SNTG1: variants seen among roughly 807,000 people sequenced by gnomAD.
The protein encoded by SNTG1 is gamma-1-syntrophin.
SNTG1 carries 39 observed loss-of-function variants against 74.7 expected under a neutral mutation model. The ratio of observed to expected loss-of-function variants is 0.52; its 90% confidence interval spans 0.40 to 0.68. The LOEUF (loss-of-function observed/expected upper bound fraction) is 0.68. Ranked by LOEUF, SNTG1 falls within the 30% of genes least tolerant of loss-of-function variation. The pLI is 0.00. For synonymous variants in SNTG1, 254 were observed against 217.1 expected (o/e 1.17, Z -1.49); for missense variants, 685 against 609.5 (o/e 1.12, Z -1.30).
rs111236496 is a variant in SNTG1 at position 49,953,188 on chromosome 8, A to G, written c.-103+40957A>G. Among the ~76,000 whole-genome samples, 138 of 152,358 alleles carry G rather than the reference A, an allele frequency of 9.1e-4. 1 individual carries two copies. The highest frequency in any genetic ancestry group is 3.2e-3 in the African/African-American group (132 of 41,592). On this transcript the variant is annotated intron_variant, in intron 1 of 18. Transcript: ENST00000642720. ...ACTCCAACATTTAGAAGAACAAAGTAAGGAGAAACCAGCAGAATAGACTGT... is the reference window on the plus strand; with the variant it reads ...ACTCCAACATTTAGAAGAACAAAGTGAGGAGAAACCAGCAGAATAGACTGT...
intron 15 of SNTG1, among the ~76,000 whole-genome samples, chr8:50,667,976 G>C (rs1430301057): frequency 6.6e-6 from 1 of 151,924 alleles, no homozygotes; most frequent in Non-Finnish European, 1.5e-5. Context: ...TACAGGCCGT[G>C]CACTTAGGTT....
chr8:50,346,877 G>C (rs943290609), intron 2 of SNTG1, among the ~76,000 whole-genome samples: 2 of 152,240 alleles, frequency 1.3e-5, no homozygotes, highest in Non-Finnish European at 1.5e-5. Context: ...GCCGAGAGAG[G>C]TATGGAAGCT....
At chr8:49,993,094 C>T (rs1212595816) in intron 1 of SNTG1, among the ~76,000 whole-genome samples, 3 of 151,926 alleles carry the variant, frequency 2.0e-5, no homozygotes, top group Admixed American at 1.3e-4. Flanking sequence ...TTAAAATTAT[C>T]ATATCTTTAA....
At chr8:50,548,658 A>G (rs1480336504) in intron 11 of SNTG1, among the ~76,000 whole-genome samples, 1 of 152,190 alleles carries the variant, frequency 6.6e-6, no homozygotes, top group Non-Finnish European at 1.5e-5. Context: ...GCGCTACACA[A>G]ACATGTTTAA....
intron 2 of SNTG1, among the ~76,000 whole-genome samples, chr8:50,290,453 G>A (rs1001226092): frequency 6.6e-6 from 1 of 152,180 alleles, no homozygotes; most frequent in African/African-American, 2.4e-5. Flanking sequence ...TCTACAGAAT[G>A]TGAGGCCTTT....
In SNTG1 at chr8:50,739,346, A is replaced by G. The variant is rs553745902; in HGVS notation, c.1285-12655A>G. Among the ~76,000 whole-genome samples the G allele has an allele frequency of 1.7e-3, 255 of 152,300 alleles. 3 individuals are homozygous for G. The highest frequency in any genetic ancestry group is 0.014 in the South Asian group (67 of 4,830). The stretch of plus-strand genomic sequence containing the variant: ...ATCACTGGTCTTTAGAAAAATGCAG[A>G]TCAAAACCACAATGAGACACCATCT... On this transcript the variant is annotated intron_variant, in intron 17 of 18. Transcript: ENST00000642720.
At chr8:50,343,150 A>C (rs755286985) in intron 2 of SNTG1, among the ~76,000 whole-genome samples, 27 of 152,168 alleles carry the variant, frequency 1.8e-4, no homozygotes, top group Non-Finnish European at 2.9e-4. Context: ...GCTCATAGGA[A>C]TTGCACCCGG....
intron 13 of SNTG1, among the ~76,000 whole-genome samples, chr8:50,656,351 G>C (rs766900264): frequency 1.1e-4 from 16 of 152,232 alleles, no homozygotes; most frequent in Non-Finnish European, 1.9e-4. Flanking sequence ...AATGCCATTT[G>C]ATATATGAAT....
chr8:50,068,683 T>TTTTC (rs200599833), intron 1 of SNTG1, among the ~76,000 whole-genome samples: 1,827 of 152,264 alleles, frequency 0.012, 15 homozygotes, highest in Middle Eastern at 0.017. Context: ...GTAGGATTCT[T>TTTTC]TTTCTTTCTT....
chr8:50,174,894 A>C (rs1332117275), intron 2 of SNTG1, among the ~76,000 whole-genome samples: 1 of 119,274 alleles, frequency 8.4e-6, no homozygotes, highest in Non-Finnish European at 1.6e-5. Flanking sequence ...CCGGTGTGTG[A>C]TGTTCCCCTT....
chr8:50,334,330 T>C (rs2091067720), intron 2 of SNTG1, among the ~76,000 whole-genome samples: 1 of 152,098 alleles, frequency 6.6e-6, no homozygotes, highest in Non-Finnish European at 1.5e-5. Flanking sequence ...TGAAAGCAAA[T>C]AAAGCAAAGT....
Position 50,053,623 on chromosome 8 carries a change from TTGTG to T in SNTG1, c.-102-118906_-102-118903del, listed in dbSNP as rs60947505. Among the ~76,000 whole-genome samples, 130 of 134,456 alleles carry T rather than the reference TTGTG, an allele frequency of 9.7e-4. 1 individual carries two copies. The highest frequency in any genetic ancestry group is 2.2e-3 in the South Asian group (9 of 4,100). The allele number at this position is 134,456 out of a possible 152,430, so 88.2% of individuals were successfully genotyped here. A position where few individuals can be genotyped will look rare whatever the true frequency, so the allele number is the denominator to read the frequency against. On this transcript the variant is annotated intron_variant, in intron 1 of 18. Coordinates refer to ENST00000642720, the MANE Select transcript of SNTG1 (RefSeq NM_018967.5). ...TATGCATATATATAAATATATATAATTGTGTGTGTGTGTGTGTGTGTGTGTGTGT... is the reference window on the plus strand; with the variant it reads ...TATGCATATATATAAATATATATAATTGTGTGTGTGTGTGTGTGTGTGTGT...
chr8:50,218,706 C>A (rs1265111098), intron 2 of SNTG1, among the ~76,000 whole-genome samples: 1 of 152,008 alleles, frequency 6.6e-6, no homozygotes, highest in African/African-American at 2.4e-5. Context: ...TAAAGTGCAG[C>A]TATAATCAGA....
chr8:50,174,981 C>T (rs368772180), intron 2 of SNTG1, among the ~76,000 whole-genome samples: 5 of 150,342 alleles, frequency 3.3e-5, no homozygotes, highest in East Asian at 4.0e-4. Context: ...TTTGTCCTTG[C>T]GATAGTTTGC....
At chr8:50,135,304 C>A (rs570114247) in intron 1 of SNTG1, among the ~76,000 whole-genome samples, 1 of 152,284 alleles carries the variant, frequency 6.6e-6, no homozygotes, top group South Asian at 2.1e-4. Context: ...ACATTCTTAA[C>A]ATTCCATCAT....
intron 17 of SNTG1, among the ~76,000 whole-genome samples, chr8:50,740,905 C>T (rs1251687978): frequency 4.6e-5 from 7 of 152,004 alleles, no homozygotes; most frequent in Non-Finnish European, 7.4e-5. Flanking sequence ...AACCAAACAC[C>T]ACATGTTCTC....
chr8:50,530,100 A>T lies in SNTG1; in HGVS notation c.467-77A>T, dbSNP rs527269961. 182 of 1,146,706 alleles carry T rather than the reference A, an allele frequency of 1.6e-4. 4 individuals carry two copies. The East Asian group carries it at 4.3e-3, about 27-fold the overall frequency. 71.0% of individuals were successfully genotyped at this position (1,146,706 alleles called of 1,614,324 possible). The stretch of plus-strand genomic sequence containing the variant: ...TACTTGATATTACTGAGTATCCTTG[A>T]AAGTGTAATGGAATGCATCAGTTTA... On this transcript the variant is annotated intron_variant, in intron 9 of 18. Coordinates refer to ENST00000642720, the MANE Select transcript of SNTG1 (RefSeq NM_018967.5).
At chr8:50,040,418 G>A (rs1818536729) in intron 1 of SNTG1, among the ~76,000 whole-genome samples, 1 of 151,904 alleles carries the variant, frequency 6.6e-6, no homozygotes, top group Non-Finnish European at 1.5e-5. Context: ...TTCTTTTTAA[G>A]CATTTCTAGT....
At chr8:50,594,998 T>A (rs1162354342) in intron 13 of SNTG1, among the ~76,000 whole-genome samples, 3 of 148,524 alleles carry the variant, frequency 2.0e-5, no homozygotes, top group Non-Finnish European at 3.0e-5. Flanking sequence ...ATTTAATTCA[T>A]GAAATTTTAG....
Sources: gnomAD v4.1 joint callset for allele counts (sites outside exome capture counted in the v4.1 genomes callset) on GRCh38, gnomAD v4.1.1 for gene constraint, MANE v1.5 for transcripts, NCBI Gene and HGNC (gene_info 2026-07-23, HGNC 2026-07-21) for gene names.